Variants in SLC35D1 observed in about 807,000 individuals in gnomAD.
The protein encoded by SLC35D1 is solute carrier family 35 member D1.
Under a neutral mutation model 46.7 loss-of-function variants are expected in SLC35D1, and 31 were observed. The observed-to-expected ratio is 0.66, with a 90% confidence interval of 0.50 to 0.90. The LOEUF (loss-of-function observed/expected upper bound fraction) is 0.90, where lower values mean the gene tolerates loss of function less well. Ranked by LOEUF, SLC35D1 falls within the 40% of genes least tolerant of loss-of-function variation. The pLI is 0.00. For synonymous variants in SLC35D1, 195 were observed against 164.6 expected, an observed-to-expected ratio of 1.18 and a Z score of -1.41; for missense variants, 397 against 426.2, an observed-to-expected ratio of 0.93 and a Z score of 0.60.
the SLC35D1 span, chr1:66,984,909 C>T: frequency 1.9e-6 from 3 of 1,566,714 alleles, no homozygotes; most frequent in African/African-American, 4.1e-5. Context: ...AAATTTTAGA[C>T]CTATTTTACT....
intron 8 of SLC35D1, among the ~76,000 whole-genome samples, chr1:67,029,476 C>T (rs1240353799): frequency 1.3e-5 from 2 of 152,184 alleles, no homozygotes; most frequent in African/African-American, 4.8e-5. Flanking sequence ...AACTGGCCTA[C>T]GACTCAGGAG....
chr1:66,986,238 T>C, the SLC35D1 span: 3 of 1,332,610 alleles, frequency 2.3e-6, no homozygotes, highest in Non-Finnish European at 2.9e-6. Context: ...TAATCATTGC[T>C]CTGTGTGATT....
chr1:67,028,331 C>G (rs1368287051), intron 8 of SLC35D1, among the ~76,000 whole-genome samples: 4 of 152,148 alleles, frequency 2.6e-5, no homozygotes, highest in Admixed American at 2.0e-4. Context: ...GTGGATTGTT[C>G]TTTAATGTCA....
Position 67,052,752 on chromosome 1 carries a change from A to C in SLC35D1, c.324+19T>G. The C allele has an allele frequency of 6.2e-7, 1 of 1,612,330 alleles. No individual in the cohort carries two copies. The highest frequency in any genetic ancestry group is 8.5e-7 in the Non-Finnish European group (1 of 1,178,436). ...CTGACTTCATTTCACAAAATAAAGTATCGCTTTTCTTCTTTTACCTTTCGA... is the reference window on the plus strand; with the variant it reads ...CTGACTTCATTTCACAAAATAAAGTCTCGCTTTTCTTCTTTTACCTTTCGA... On this transcript the variant is annotated intron_variant, in intron 3 of 11. Transcript: ENST00000235345.
downstream of SLC35D1, among the ~76,000 whole-genome samples, chr1:66,995,433 T>TAAAAAAAAAAAAAAAAAAAAAAA (rs541234514): frequency 5.6e-5 from 2 of 35,808 alleles, no homozygotes; most frequent in Non-Finnish European, 9.5e-5. Context: ...CCTGCTACGC[T>TAAAAAAAAAAAAAAAAAAAAAAA]AAAAAAAAAA....
Position 67,013,158 on chromosome 1 carries a change from A to AGATATATATATATATATATATATG in SLC35D1, c.877-3992_877-3991insCATATATATATATATATATATATC, listed in dbSNP as rs150270485. On this transcript the variant is annotated intron_variant, in intron 10 of 11. Coordinates refer to ENST00000235345, the MANE Select transcript of SLC35D1 (RefSeq NM_015139.3). ...TAATTTAAGAACATATATCCTGGAG[A>AGATATATATATATATATATATATG]TATATATATATCCTGTTCTTAAATT... Among the ~76,000 whole-genome samples, 111 of 103,622 alleles carry AGATATATATATATATATATATATG rather than the reference A, an allele frequency of 1.1e-3. 6 individuals carry two copies. The highest frequency in any genetic ancestry group is 2.8e-3 in the African/African-American group (49 of 17,766). The allele number at this position is 103,622 out of a possible 152,430, so 68.0% of individuals were successfully genotyped here. A position where few individuals can be genotyped will look rare whatever the true frequency, so the allele number is the denominator to read the frequency against.
chr1:66,991,179 G>A, the SLC35D1 span, among the ~76,000 whole-genome samples: 1 of 152,252 alleles, frequency 6.6e-6, no homozygotes, highest in East Asian at 1.9e-4. Context: ...CTTTTTGGGG[G>A]AGCTCCGACT....
chr1:66,998,534 G>A (rs1001597500), downstream of SLC35D1, among the ~76,000 whole-genome samples: 3 of 152,078 alleles, frequency 2.0e-5, no homozygotes, highest in African/African-American at 7.2e-5. Flanking sequence ...AAAAGTATTT[G>A]TACACCCATG....
At chr1:67,033,827 A>G (rs1460065718) in intron 8 of SLC35D1, among the ~76,000 whole-genome samples, 1 of 152,132 alleles carries the variant, frequency 6.6e-6, no homozygotes, top group Non-Finnish European at 1.5e-5. Context: ...GAAGTTTTAG[A>G]TAAGTCTTTA....
Position 67,052,972 on chromosome 1 carries a change from C to T in SLC35D1, c.221G>A (p.Cys74Tyr), listed in dbSNP as rs747238680. 1 of 1,614,006 alleles carries T rather than the reference C, an allele frequency of 6.2e-7. No homozygotes were observed. The highest frequency in any genetic ancestry group is 1.7e-5 in the Admixed American group (1 of 60,018). Residue 74 changes from cysteine (C) to tyrosine (Y), a missense_variant, in exon 2 of 12, where the codon TGT becomes TAT. By Grantham distance (194) the Cys-to-Tyr change is radical. Coordinates refer to ENST00000235345, the MANE Select transcript of SLC35D1 (RefSeq NM_015139.3). ...LTNYRFPSSL[C>Y]VGLGQMVATV... Reference sequence around the variant, plus strand: ...CCAACTAACCTGGCCAAGTCCAACACATAGTGAGGAGGGAAATCTACAAAA... The same window carrying T: ...CCAACTAACCTGGCCAAGTCCAACATATAGTGAGGAGGGAAATCTACAAAA...
chr1:66,990,739 A>G, the SLC35D1 span, among the ~76,000 whole-genome samples: 1 of 152,202 alleles, frequency 6.6e-6, no homozygotes, highest in African/African-American at 2.4e-5. Flanking sequence ...TCATATGCCA[A>G]AAGTAACGGT....
At chr1:67,026,446 T>C (rs1052698584) in intron 8 of SLC35D1, among the ~76,000 whole-genome samples, 2 of 152,210 alleles carry the variant, frequency 1.3e-5, no homozygotes, top group Non-Finnish European at 2.9e-5. Context: ...TGTCAGATTT[T>C]GGCAGAAGGT....
the SLC35D1 span, chr1:66,986,139 G>T: frequency 8.7e-7 from 1 of 1,151,044 alleles, no homozygotes; most frequent in Non-Finnish European, 1.1e-6. Flanking sequence ...AAGAGAAAGT[G>T]AAGTTTGAAA....
At chr1:66,976,510 A>C in the SLC35D1 span, 5 of 1,387,978 alleles carry the variant, frequency 3.6e-6, no homozygotes, top group South Asian at 7.3e-5. Context: ...GGACTAGCCA[A>C]ATTTATTTTC....
rs1228641828 is a variant in SLC35D1 at position 67,004,181 on chromosome 1, A to G, written c.*159T>C. Reference sequence around the variant, plus strand: ...GTCAATTATAAGTTTCTCTCTTCATAAAATTTTAAAAGGCAGCAATCAATC... The same window carrying G: ...GTCAATTATAAGTTTCTCTCTTCATGAAATTTTAAAAGGCAGCAATCAATC... On this transcript the variant is annotated 3_prime_UTR_variant, in exon 12 of 12. Transcript: ENST00000235345. 3 of 667,450 alleles carry G rather than the reference A, an allele frequency of 4.5e-6. No homozygotes were observed. Among genetic ancestry groups the G allele is most frequent in the Non-Finnish European group, 8.1e-6 (3 of 371,054 alleles). The allele number at this position is 667,450 out of a possible 1,614,324, so 41.3% of individuals were successfully genotyped here. A position where few individuals can be genotyped will look rare whatever the true frequency, so the allele number is the denominator to read the frequency against.
the SLC35D1 span, chr1:66,984,606 C>G: frequency 1.2e-6 from 2 of 1,607,596 alleles, no homozygotes; most frequent in Non-Finnish European, 1.7e-6. Flanking sequence ...AAATATTAAA[C>G]AAAGAGGAAG....
chr1:66,982,530 G>A, the SLC35D1 span, among the ~76,000 whole-genome samples: 13 of 152,200 alleles, frequency 8.5e-5, no homozygotes, highest in Non-Finnish European at 1.8e-4. Context: ...CTGATCAGTA[G>A]TAAGAGCCAG....
chr1:67,026,983 T>TC (rs1319211005), intron 8 of SLC35D1, among the ~76,000 whole-genome samples: 1 of 152,156 alleles, frequency 6.6e-6, no homozygotes, highest in Non-Finnish European at 1.5e-5. Context: ...ACCTGGTCCC[T>TC]CCCACGACAC....
intron 11 of SLC35D1, among the ~76,000 whole-genome samples, chr1:67,007,349 C>G (rs1667472452): frequency 6.6e-6 from 1 of 152,138 alleles, no homozygotes; most frequent in South Asian, 2.1e-4. Flanking sequence ...CATAAGGGCA[C>G]TAATCTCATT....
Sources: allele counts gnomAD v4.1 joint callset (sites outside exome capture counted in the v4.1 genomes callset), GRCh38; gene constraint gnomAD v4.1.1; transcripts MANE v1.5; gene names NCBI Gene and HGNC (gene_info 2026-07-23, HGNC 2026-07-21).